Variants in SLIT3 observed in about 807,000 individuals in gnomAD.
SLIT3 encodes slit guidance ligand 3.
A neutral mutation model predicts 184.0 loss-of-function variants in SLIT3; 68 were observed. The observed-to-expected ratio is 0.37, with a 90% confidence interval of 0.30 to 0.45. The LOEUF (loss-of-function observed/expected upper bound fraction) is 0.45, where lower values mean the gene tolerates loss of function less well. SLIT3 is among the 20% of genes least tolerant of loss of function. The pLI is 1.00. For synonymous variants in SLIT3, 831 were observed against 828.6 expected (o/e 1.00, Z -0.05); for missense variants, 1,707 against 2,026.0 (o/e 0.84, Z 3.02).
chr5:169,216,387 C>T (rs1764435810), intron 3 of SLIT3, among the ~76,000 whole-genome samples: 1 of 152,176 alleles, frequency 6.6e-6, no homozygotes, highest in African/African-American at 2.4e-5. Flanking sequence ...TTTTTCTGGC[C>T]TCCAAGGAAG....
chr5:169,262,632 T>G (rs73319560), intron 1 of SLIT3, among the ~76,000 whole-genome samples: 15,273 of 152,158 alleles, frequency 0.1, 2,519 homozygotes, highest in African/African-American at 0.35. Flanking sequence ...CTCATTCCCC[T>G]GCCATCAATC....
chr5:168,752,651 T>C (rs1471052019), intron 18 of SLIT3: 1 of 314,372 alleles, frequency 3.2e-6, no homozygotes. Context: ...CACCTCAGCC[T>C]CCCAAAGTGT....
intron 32 of SLIT3, among the ~76,000 whole-genome samples, chr5:168,682,113 C>T (rs114147965): frequency 1.3e-3 from 195 of 152,306 alleles, no homozygotes; most frequent in African/African-American, 4.1e-3. Context: ...AGATGTTAGG[C>T]GGCCCAGGCT....
intron 9 of SLIT3, among the ~76,000 whole-genome samples, chr5:168,804,711 T>C (rs1237819345): frequency 6.6e-6 from 1 of 152,174 alleles, no homozygotes; most frequent in Non-Finnish European, 1.5e-5. Context: ...AAAATGGGAC[T>C]GTAAAGGAAT....
intron 4 of SLIT3, among the ~76,000 whole-genome samples, chr5:169,106,857 C>A (rs956875681): frequency 6.6e-6 from 1 of 152,210 alleles, no homozygotes; most frequent in Non-Finnish European, 1.5e-5. Flanking sequence ...TGCAGACAAA[C>A]CTGCAAAAGA....
At chr5:169,149,631 T>C (rs1270598347) in intron 4 of SLIT3, among the ~76,000 whole-genome samples, 1 of 152,230 alleles carries the variant, frequency 6.6e-6, no homozygotes, top group Non-Finnish European at 1.5e-5. Flanking sequence ...GAAATTGATG[T>C]TCCACAGCTT....
At chr5:169,222,894 A>AT (rs1764657541) in intron 3 of SLIT3, among the ~76,000 whole-genome samples, 1 of 152,140 alleles carries the variant, frequency 6.6e-6, no homozygotes, top group African/African-American at 2.4e-5. Flanking sequence ...GTTGGTTGTT[A>AT]ACCAAAATGG....
chr5:168,777,548 A>C (rs1755806780), intron 12 of SLIT3, among the ~76,000 whole-genome samples: 1 of 152,146 alleles, frequency 6.6e-6, no homozygotes, highest in African/African-American at 2.4e-5. Flanking sequence ...TAGATCTCTC[A>C]GCATGGGATG....
At chr5:168,956,441 T>TA (rs530501823) in intron 4 of SLIT3, among the ~76,000 whole-genome samples, 11 of 152,140 alleles carry the variant, frequency 7.2e-5, no homozygotes, top group East Asian at 1.9e-4. Flanking sequence ...TTAGGTTTAT[T>TA]AAAAAAAATC....
At chr5:169,287,037 T>C (rs952646084) in intron 1 of SLIT3, among the ~76,000 whole-genome samples, 4 of 152,172 alleles carry the variant, frequency 2.6e-5, no homozygotes, top group African/African-American at 4.8e-5. Context: ...GGGAAGCTTA[T>C]GGGAAATGTT....
intron 4 of SLIT3, among the ~76,000 whole-genome samples, chr5:168,922,096 C>T (rs1285354119): frequency 1.3e-5 from 2 of 152,148 alleles, no homozygotes; most frequent in African/African-American, 4.8e-5. Flanking sequence ...TGGCCCCATG[C>T]TGCAGTGTTA....
At chr5:168,772,631 A>G in intron 14 of SLIT3, 150 bp downstream of exon 14, 1 of 728,734 alleles carries the variant, frequency 1.4e-6, no homozygotes. Flanking sequence ...GGTTTTCTGC[A>G]GGGCTAACTG....
intron 1 of SLIT3, among the ~76,000 whole-genome samples, chr5:169,282,080 C>G (rs888780): frequency 0.063 from 9,660 of 152,268 alleles, 517 homozygotes; most frequent in Admixed American, 0.18. Context: ...TTTCCCCTTG[C>G]ATCCTCTCTA....
At chr5:168,994,063 G>T (rs1341327883) in intron 4 of SLIT3, 1 of 152,260 alleles carries the variant, frequency 6.6e-6, no homozygotes, top group Non-Finnish European at 1.5e-5. Flanking sequence ...TTGGCTCATT[G>T]TGTGGCTGTA....
chr5:168,838,543 T>A (rs1421275727), intron 6 of SLIT3, among the ~76,000 whole-genome samples: 1 of 152,216 alleles, frequency 6.6e-6, no homozygotes, highest in Non-Finnish European at 1.5e-5. Flanking sequence ...CCTCTGGCTC[T>A]GCATCCAGAG....
chr5:169,106,536 C>T (rs1760213550), intron 4 of SLIT3, among the ~76,000 whole-genome samples: 1 of 152,156 alleles, frequency 6.6e-6, no homozygotes, highest in African/African-American at 2.4e-5. Context: ...ATGCAAAACA[C>T]TCTTTAAAAA....
At chr5:168,672,818 A>G (rs561015903) in intron 33 of SLIT3, among the ~76,000 whole-genome samples, 1 of 152,074 alleles carries the variant, frequency 6.6e-6, no homozygotes, top group Non-Finnish European at 1.5e-5. Flanking sequence ...ATTCTTCTAC[A>G]TTCATTAATT....
chr5:169,131,258 T>C (rs920948218), intron 4 of SLIT3, among the ~76,000 whole-genome samples: 1 of 152,234 alleles, frequency 6.6e-6, no homozygotes, highest in African/African-American at 2.4e-5. Flanking sequence ...GTAAATTACA[T>C]GCTTGGAATA....
chr5:168,812,488 A>G (rs943007614), intron 8 of SLIT3, among the ~76,000 whole-genome samples: 1 of 152,236 alleles, frequency 6.6e-6, no homozygotes, highest in Non-Finnish European at 1.5e-5. Flanking sequence ...GTGTCAATTC[A>G]AAACAAAATA....
Sources: allele counts gnomAD v4.1 joint callset (sites outside exome capture counted in the v4.1 genomes callset), GRCh38; gene constraint gnomAD v4.1.1; transcripts MANE v1.5; gene names NCBI Gene and HGNC (gene_info 2026-07-23, HGNC 2026-07-21).